The following IGSF11 variants were observed in gnomAD, a reference collection of about 807,000 sequenced individuals.
IGSF11 encodes immunoglobulin superfamily member 11.
IGSF11 carries 22 observed loss-of-function variants against 41.0 expected under a neutral mutation model. That is an observed-to-expected ratio of 0.54 (90% CI 0.38 to 0.77). IGSF11 has a LOEUF of 0.77. Ranked by LOEUF, IGSF11 falls within the 30% of genes least tolerant of loss-of-function variation. IGSF11 has a pLI of 0.00. For synonymous variants in IGSF11, 219 were observed against 201.3 expected, an observed-to-expected ratio of 1.09 and a Z score of -0.74; for missense variants, 444 against 530.8, an observed-to-expected ratio of 0.84 and a Z score of 1.61.
At chr3:119,022,736 T>C (rs1475416781) in intron 1 of IGSF11, among the ~76,000 whole-genome samples, 1 of 152,086 alleles carries the variant, frequency 6.6e-6, no homozygotes, top group African/African-American at 2.4e-5. Flanking sequence ...AGATTGACAA[T>C]ACCTAGTGTT....
At position 119,125,339 on chromosome 3, in the gene IGSF11, C is replaced by G. The variant is rs531734015; in HGVS notation, c.-13-20134G>C. On this transcript the variant is annotated intron_variant, in intron 1 of 7. Coordinates refer to the IGSF11 transcript ENST00000425327. ...TGTGAGAAACAAGGCTGTTTATTCACTTGGGTGCAAGTGGGCTGAGTCCGA... is the reference window on the plus strand; with the variant it reads ...TGTGAGAAACAAGGCTGTTTATTCAGTTGGGTGCAAGTGGGCTGAGTCCGA... Among the ~76,000 whole-genome samples the G allele has an allele frequency of 4.1e-4, 62 of 152,260 alleles. No homozygotes were observed. The South Asian group carries it at 0.013, about 31-fold the overall frequency.
chr3:119,017,226 T>C (rs1197328438), intron 1 of IGSF11, among the ~76,000 whole-genome samples: 1 of 152,220 alleles, frequency 6.6e-6, no homozygotes, highest in East Asian at 1.9e-4. Flanking sequence ...GTATCATTGG[T>C]GATTTCATCA....
At chr3:119,023,408 TG>T (rs1458966053) in intron 1 of IGSF11, among the ~76,000 whole-genome samples, 1 of 152,056 alleles carries the variant, frequency 6.6e-6, no homozygotes, top group Non-Finnish European at 1.5e-5. Flanking sequence ...AAATGGACTA[TG>T]GGATCATGCA....
chr3:118,919,050 A>G (rs2107509453), intron 4 of IGSF11, among the ~76,000 whole-genome samples: 1 of 134,818 alleles, frequency 7.4e-6, no homozygotes, highest in Admixed American at 7.0e-5. Context: ...AAAACTGGCT[A>G]GCCATATGTA....
chr3:118,904,877 C>A, intron 5 of IGSF11, 79 bp from the exon 6 acceptor site: 1 of 1,136,356 alleles, frequency 8.8e-7, no homozygotes, highest in South Asian at 1.7e-5. Flanking sequence ...GTAATAAGCA[C>A]ATAAGCTTAC....
chr3:118,967,834 T>C (rs529004932), intron 1 of IGSF11, among the ~76,000 whole-genome samples: 1 of 152,322 alleles, frequency 6.6e-6, no homozygotes, highest in East Asian at 1.9e-4. Context: ...ATTTTTTTAC[T>C]ATGCATTGGC....
At chr3:118,938,506 T>C (rs915596990) in intron 1 of IGSF11, among the ~76,000 whole-genome samples, 6 of 152,206 alleles carry the variant, frequency 3.9e-5, no homozygotes, top group African/African-American at 1.4e-4. Flanking sequence ...AATGTGATTA[T>C]AATTAGCCAT....
rs3049118 is a variant in IGSF11 at position 119,023,262 on chromosome 3, C to CA, written c.52+11268dup. Among the ~76,000 whole-genome samples the CA allele has an allele frequency of 3.4e-3, 205 of 60,280 alleles. 18 individuals are homozygous for CA. Among genetic ancestry groups the CA allele is most frequent in the Non-Finnish European group, 4.2e-3 (145 of 34,932 alleles). The allele number at this position is 60,280 out of a possible 152,430, so 39.5% of individuals were successfully genotyped here. ...TGGGCGACAGAGCGAGACTCCGTCT[C>CA]AAAAAAAAAAAAAAAAAAAAAAAAA... On this transcript the variant is annotated intron_variant, in intron 1 of 6. Transcript: ENST00000393775.
At chr3:119,056,967 A>G (rs1246811110) in intron 1 of IGSF11, among the ~76,000 whole-genome samples, 2 of 152,178 alleles carry the variant, frequency 1.3e-5, no homozygotes, top group African/African-American at 2.4e-5. Context: ...TTGATGGGAT[A>G]TATCTCAAAA....
At chr3:118,920,406 A>G (rs1411683460) in intron 4 of IGSF11, among the ~76,000 whole-genome samples, 2 of 151,986 alleles carry the variant, frequency 1.3e-5, no homozygotes, top group African/African-American at 4.8e-5. Context: ...AACCATACCC[A>G]TAATCAATGA....
chr3:119,072,170 T>C (rs779169120), intron 1 of IGSF11, among the ~76,000 whole-genome samples: 3 of 152,346 alleles, frequency 2.0e-5, no homozygotes, highest in Non-Finnish European at 4.4e-5. Context: ...GTTCACTATA[T>C]TTAATTTAGC....
At chr3:119,095,136 G>GA (rs1162640729) in intron 1 of IGSF11, among the ~76,000 whole-genome samples, 1 of 152,158 alleles carries the variant, frequency 6.6e-6, no homozygotes, top group Non-Finnish European at 1.5e-5. Flanking sequence ...GTTGGTATTT[G>GA]AAAAATGACA....
At chr3:119,027,711 T>C (rs1464659249) in intron 1 of IGSF11, among the ~76,000 whole-genome samples, 1 of 152,332 alleles carries the variant, frequency 6.6e-6, no homozygotes, top group East Asian at 1.9e-4. Context: ...CAGTCCTCAA[T>C]AATCTTTAAA....
chr3:119,001,146 C>G (rs552329902), intron 1 of IGSF11, among the ~76,000 whole-genome samples: 2 of 151,808 alleles, frequency 1.3e-5, no homozygotes, highest in African/African-American at 4.8e-5. Context: ...TCGCCTATAT[C>G]CTTCAATTGG....
intron 1 of IGSF11, among the ~76,000 whole-genome samples, chr3:119,111,431 T>G (rs1023239602): frequency 1.5e-4 from 23 of 152,238 alleles, no homozygotes; most frequent in Non-Finnish European, 2.8e-4. Context: ...AGCCTCGGCT[T>G]TCAGCTCCAT....
chr3:119,110,896 T>G (rs200525917), intron 1 of IGSF11, among the ~76,000 whole-genome samples: 35,093 of 151,270 alleles, frequency 0.23, 4,902 homozygotes, highest in Middle Eastern at 0.38. Flanking sequence ...AATTCTTTTC[T>G]TTAAGAATGT....
intron 1 of IGSF11, among the ~76,000 whole-genome samples, chr3:119,114,847 A>G (rs990974174): frequency 1.3e-5 from 2 of 152,178 alleles, no homozygotes; most frequent in Admixed American, 6.5e-5. Context: ...GGTAATTTAT[A>G]GAGAGGTTTA....
intron 1 of IGSF11, among the ~76,000 whole-genome samples, chr3:119,042,553 CT>C (rs1024514226): frequency 1.3e-5 from 2 of 152,146 alleles, no homozygotes; most frequent in Non-Finnish European, 2.9e-5. Flanking sequence ...CATAATCCCC[CT>C]GGGAACAAAA....
chr3:118,902,887 G>GT lies in IGSF11; in HGVS notation c.928dup (p.Thr310AsnfsTer21). On this transcript the variant is annotated frameshift_variant, in exon 7 of 7. Transcript: ENST00000393775. LOFTEE classifies it high-confidence loss of function. Reference sequence around the variant, plus strand: ...GTTGTAGGCATTGGAAGAGGTTAGTGTGTTGTTGTCCGAGGAGGAAATCTC... The same window carrying GT: ...GTTGTAGGCATTGGAAGAGGTTAGTGTTGTTGTTGTCCGAGGAGGAAATCTC... The GT allele has an allele frequency of 6.2e-7, 1 of 1,614,176 alleles. No individual in the cohort carries two copies. Among genetic ancestry groups the GT allele is most frequent in the Non-Finnish European group, 8.5e-7 (1 of 1,179,980 alleles).
Sources: allele counts gnomAD v4.1 joint callset (sites outside exome capture counted in the v4.1 genomes callset), GRCh38; gene constraint gnomAD v4.1.1; transcripts MANE v1.5; gene names NCBI Gene and HGNC (gene_info 2026-07-23, HGNC 2026-07-21).